Variants in SCML2 observed in about 807,000 individuals in gnomAD.
The protein encoded by SCML2 is sex comb on midleg-like protein 2.
In SCML2, 6 loss-of-function variants were observed where a neutral mutation model predicts 48.4. That is an observed-to-expected ratio of 0.12 (90% CI 0.07 to 0.24). The LOEUF is 0.24. Among genes scored for constraint, SCML2 ranks in the 10% least tolerant of loss-of-function variants. The probability of loss-of-function intolerance (pLI) is 1.00; values close to 1 mark genes in which losing one functional copy is unlikely to be tolerated. For synonymous variants in SCML2, 181 were observed against 189.5 expected, an observed-to-expected ratio of 0.95 and a Z score of 0.37; for missense variants, 377 against 528.2, an observed-to-expected ratio of 0.71 and a Z score of 2.81.
At chrX:18,342,622 G>C (rs960451986) in intron 1 of SCML2, among the ~76,000 whole-genome samples, 1 of 108,755 alleles carries the variant, frequency 9.2e-6, no homozygotes. Context: ...TGAGGCAGTA[G>C]AATTGCTTGA....
At chrX:18,314,532 A>G (rs1393173129) in intron 6 of SCML2, among the ~76,000 whole-genome samples, 2 of 111,991 alleles carry the variant, frequency 1.8e-5, no homozygotes, top group Non-Finnish European at 3.8e-5. Context: ...GATAGTCATC[A>G]CTACTCAAAT....
At chrX:18,266,197 A>G (rs981063561) in intron 7 of SCML2, among the ~76,000 whole-genome samples, 4 of 111,627 alleles carry the variant, frequency 3.6e-5, no homozygotes, top group Non-Finnish European at 5.6e-5. Flanking sequence ...ATAGAAAAAC[A>G]TAGCAAAGCA....
chrX:18,266,874 G>T (rs139272214), intron 7 of SCML2, among the ~76,000 whole-genome samples: 31 of 111,998 alleles, frequency 2.8e-4, no homozygotes, highest in African/African-American at 9.4e-4. Context: ...GCAAAGAGAG[G>T]ACCACTTCAC....
At chrX:18,244,135 C>A (rs1181240320) in intron 13 of SCML2, among the ~76,000 whole-genome samples, 1 of 111,888 alleles carries the variant, frequency 8.9e-6, no homozygotes, top group African/African-American at 3.2e-5. Context: ...ATTCTCCCCT[C>A]CACTCAGAGA....
intron 8 of SCML2, among the ~76,000 whole-genome samples, chrX:18,262,571 C>T (rs1395230879): frequency 9.3e-6 from 1 of 107,210 alleles, no homozygotes; most frequent in Non-Finnish European, 1.9e-5. Flanking sequence ...GAACTCCTGA[C>T]CTCAGGTGAT....
At chrX:18,312,395 A>G (rs986577119) in intron 6 of SCML2, among the ~76,000 whole-genome samples, 8 of 111,267 alleles carry the variant, frequency 7.2e-5, no homozygotes, top group Admixed American at 1.9e-4. Context: ...ATCCCCCCAT[A>G]TATTTTAAAT....
chrX:18,250,936 G>A (rs1015923554), intron 11 of SCML2, among the ~76,000 whole-genome samples: 5 of 110,054 alleles, frequency 4.5e-5, no homozygotes, highest in African/African-American at 6.6e-5. Flanking sequence ...GGCAGCAGGC[G>A]GAAGTGCAGA....
At chrX:18,245,923 G>C (rs1016752505) in intron 13 of SCML2, among the ~76,000 whole-genome samples, 11 of 111,967 alleles carry the variant, frequency 9.8e-5, no homozygotes, top group East Asian at 5.7e-4. Context: ...ATTTTTAGTA[G>C]AGACAGGGTT....
rs917637722 is a variant in SCML2 at position 18,260,404 on chromosome X, G to T, written c.949-113C>A. Reference sequence around the variant, plus strand: ...TGGTTTATAAAATTATTAGTTATCAGAAGTCCTCAGGTTGGAAACTCCCGT... The same window carrying T: ...TGGTTTATAAAATTATTAGTTATCATAAGTCCTCAGGTTGGAAACTCCCGT... On this transcript the variant is annotated intron_variant, in intron 8 of 14. Transcript: ENST00000251900. The T allele has an allele frequency of 1.4e-5, 9 of 638,357 alleles. No individual in the cohort carries two copies. The South Asian group carries it at 4.1e-4, about 29-fold the overall frequency. The allele number at this position is 638,357 out of a possible 1,213,427, so 52.6% of individuals were successfully genotyped here.
rs185013615 is a variant in SCML2 at position 18,285,550 on chromosome X, G to A, written c.730+19422C>T. ...GTGAACAATAGATATTGCAGACTAC[G>A]GGGGGGTGAGGAGGAGGAGAGGTTG... On this transcript the variant is annotated intron_variant, in intron 7 of 14. Transcript: ENST00000251900. Among the ~76,000 whole-genome samples the A allele has an allele frequency of 5.0e-3, 548 of 109,158 alleles. 3 individuals carry two copies. The highest frequency in any genetic ancestry group is 0.018 in the African/African-American group (518 of 29,488). 94.8% of individuals were successfully genotyped at this position (109,158 alleles called of 115,157 possible). A position where few individuals can be genotyped will look rare whatever the true frequency, so the allele number is the denominator to read the frequency against.
intron 1 of SCML2, among the ~76,000 whole-genome samples, chrX:18,354,286 C>T (rs896201526): frequency 1.8e-5 from 2 of 113,006 alleles, no homozygotes; most frequent in Non-Finnish European, 3.8e-5. Context: ...GCGCTGTCGG[C>T]GCTGCAGGCG....
chrX:18,353,254 T>C (rs1930432118), intron 1 of SCML2, among the ~76,000 whole-genome samples: 1 of 112,088 alleles, frequency 8.9e-6, no homozygotes, highest in Non-Finnish European at 1.9e-5. Flanking sequence ...GAAAAACATT[T>C]CCCTCGCTGT....
chrX:18,327,669 A>C (rs1216703215), intron 3 of SCML2, among the ~76,000 whole-genome samples: 1 of 111,880 alleles, frequency 8.9e-6, no homozygotes, highest in African/African-American at 3.2e-5. Context: ...CTACAATATA[A>C]TTTTCTATCA....
At chrX:18,293,406 T>C (rs1330392330) in intron 7 of SCML2, among the ~76,000 whole-genome samples, 1 of 111,563 alleles carries the variant, frequency 9.0e-6, no homozygotes, top group East Asian at 2.8e-4. Flanking sequence ...TTAACCATAC[T>C]TTCCCCAGAA....
intron 7 of SCML2, among the ~76,000 whole-genome samples, chrX:18,282,869 A>T (rs1278534874): frequency 9.0e-6 from 1 of 111,208 alleles, no homozygotes; most frequent in Non-Finnish European, 1.9e-5. Context: ...CAGACATACA[A>T]AGAAGAGCTG....
At chrX:18,242,629 T>C (rs1926306714) in intron 13 of SCML2, 39 bp from the exon 14 acceptor site, 1 of 1,160,185 alleles carries the variant, frequency 8.6e-7, no homozygotes, top group East Asian at 3.1e-5. Flanking sequence ...ATACTTGACC[T>C]GATCATTATC....
chrX:18,338,483 A>T (rs1304440055), intron 1 of SCML2, among the ~76,000 whole-genome samples: 4 of 108,948 alleles, frequency 3.7e-5, no homozygotes, highest in African/African-American at 1.3e-4. Flanking sequence ...ATCCAGGCAC[A>T]AACTGTATGA....
intron 6 of SCML2, among the ~76,000 whole-genome samples, chrX:18,319,396 C>A (rs769429436): frequency 9.2e-6 from 1 of 108,289 alleles, no homozygotes; most frequent in African/African-American, 3.4e-5. Flanking sequence ...AAAAGGAGTT[C>A]AAGACCAGCC....
intron 14 of SCML2, 66 bp from the exon 15 acceptor site, chrX:18,241,445 C>T: frequency 2.4e-6 from 2 of 840,115 alleles, no homozygotes; most frequent in Non-Finnish European, 3.2e-6. Context: ...TACATAAGAA[C>T]ATGTAAAATA....
Sources: allele counts gnomAD v4.1 joint callset (sites outside exome capture counted in the v4.1 genomes callset), GRCh38; gene constraint gnomAD v4.1.1; transcripts MANE v1.5; gene names NCBI Gene and HGNC (gene_info 2026-07-23, HGNC 2026-07-21).